AGBL4: variants seen among roughly 807,000 people sequenced by gnomAD.
The protein encoded by AGBL4 is AGBL carboxypeptidase 4, also known as cytosolic carboxypeptidase 6.
A neutral mutation model predicts 66.4 loss-of-function variants in AGBL4; 58 were observed. The ratio of observed to expected loss-of-function variants is 0.87; its 90% CI spans 0.71 to 1.09. AGBL4 has a LOEUF of 1.09. Among genes scored for constraint, AGBL4 ranks in the 50% least tolerant of loss-of-function variants. The probability of loss-of-function intolerance (pLI) is 0.00; values close to 1 mark genes in which losing one functional copy is unlikely to be tolerated. For synonymous variants in AGBL4, 234 were observed against 222.9 expected (o/e 1.05, Z -0.44); for missense variants, 579 against 631.0 (o/e 0.92, Z 0.88).
At chr1:49,971,859 A>T (rs1028663706) in intron 1 of AGBL4, among the ~76,000 whole-genome samples, 21 of 114,836 alleles carry the variant, frequency 1.8e-4, no homozygotes, top group Non-Finnish European at 3.3e-4. Context: ...GTTTTTGAAA[A>T]TTTTATTTAT....
intron 3 of AGBL4, among the ~76,000 whole-genome samples, chr1:49,388,153 C>T (rs1644772188): frequency 6.6e-6 from 1 of 152,072 alleles, no homozygotes; most frequent in Non-Finnish European, 1.5e-5. Context: ...TATGCCTCTT[C>T]CTAAAATAAT....
At chr1:49,042,129 A>G (rs1443377421) in intron 5 of AGBL4, among the ~76,000 whole-genome samples, 1 of 152,112 alleles carries the variant, frequency 6.6e-6, no homozygotes, top group African/African-American at 2.4e-5. Flanking sequence ...CTGGAAGTAT[A>G]TCAAGACTTG....
chr1:49,396,252 A>C (rs1557901120), intron 3 of AGBL4, among the ~76,000 whole-genome samples: 1 of 152,056 alleles, frequency 6.6e-6, no homozygotes, highest in South Asian at 2.1e-4. Context: ...AAGGATAGAT[A>C]CTAGATGCAG....
chr1:49,700,495 C>T (rs940128719), intron 2 of AGBL4, among the ~76,000 whole-genome samples: 2 of 151,854 alleles, frequency 1.3e-5, no homozygotes, highest in African/African-American at 2.4e-5. Context: ...AATTTGAAAA[C>T]ATGATTTTAA....
intron 2 of AGBL4, among the ~76,000 whole-genome samples, chr1:49,764,562 T>C (rs1462692092): frequency 2.0e-5 from 3 of 152,112 alleles, no homozygotes; most frequent in African/African-American, 7.2e-5. Context: ...ATGCTGTCCA[T>C]CAGGACGTCT....
intron 1 of AGBL4, among the ~76,000 whole-genome samples, chr1:49,854,627 C>T (rs2148070357): frequency 6.6e-6 from 1 of 152,256 alleles, no homozygotes; most frequent in Admixed American, 6.5e-5. Flanking sequence ...GCTCCTGCAC[C>T]TCCACATCCC....
chr1:49,202,365 G>C (rs1286277404), intron 4 of AGBL4, among the ~76,000 whole-genome samples: 1 of 152,084 alleles, frequency 6.6e-6, no homozygotes, highest in Non-Finnish European at 1.5e-5. Flanking sequence ...CACACTTCCT[G>C]AGTGAAAAAC....
chr1:49,624,792 C>T (rs535126833), intron 3 of AGBL4, among the ~76,000 whole-genome samples: 12 of 152,278 alleles, frequency 7.9e-5, no homozygotes, highest in African/African-American at 2.4e-4. Flanking sequence ...TAGAAATACA[C>T]GCATCTAGAC....
At chr1:48,939,550 A>G (rs968762508) in intron 5 of AGBL4, among the ~76,000 whole-genome samples, 1 of 152,216 alleles carries the variant, frequency 6.6e-6, no homozygotes, top group African/African-American at 2.4e-5. Flanking sequence ...GGGGCTCTGT[A>G]AGTATTAGGC....
At chr1:49,083,701 C>A (rs562651709) in intron 4 of AGBL4, among the ~76,000 whole-genome samples, 1 of 152,336 alleles carries the variant, frequency 6.6e-6, no homozygotes, top group African/African-American at 2.4e-5. Context: ...CAAATTTCTG[C>A]AGCTCTATTG....
In AGBL4 at chr1:48,810,599, T is replaced by C. The variant is rs897617556; in HGVS notation, c.634+56592A>G. On this transcript the variant is annotated intron_variant, in intron 6 of 13. Coordinates refer to ENST00000371839, the MANE Select transcript of AGBL4 (RefSeq NM_032785.4). The stretch of plus-strand genomic sequence containing the variant: ...GATTTATGCAAAGTGTATAGCATAG[T>C]CCTGGGCATAAATAGGTACTCAGTA... Among the ~76,000 whole-genome samples the C allele has an allele frequency of 2.0e-5, 3 of 152,220 alleles. 1 individual carries two copies. Among genetic ancestry groups the C allele is most frequent in the South Asian group, 4.1e-4 (2 of 4,828 alleles).
chr1:49,441,889 G>A (rs1052140615), intron 3 of AGBL4, among the ~76,000 whole-genome samples: 40 of 152,110 alleles, frequency 2.6e-4, no homozygotes, highest in Admixed American at 2.6e-4. Flanking sequence ...AAATGGCCAC[G>A]GTGGCAGGGA....
intron 6 of AGBL4, among the ~76,000 whole-genome samples, chr1:48,713,473 C>T (rs1354609760): frequency 1.3e-5 from 2 of 152,160 alleles, no homozygotes; most frequent in Non-Finnish European, 2.9e-5. Context: ...GTGGGAAGCA[C>T]AGAGCAGCTC....
intron 3 of AGBL4, among the ~76,000 whole-genome samples, chr1:49,469,046 C>T (rs898499004): frequency 4.0e-5 from 6 of 151,754 alleles, no homozygotes; most frequent in African/African-American, 9.7e-5. Context: ...TGGGTACACA[C>T]AATTACCAAC....
At chr1:49,398,675 T>C (rs960293723) in intron 3 of AGBL4, among the ~76,000 whole-genome samples, 7 of 152,312 alleles carry the variant, frequency 4.6e-5, no homozygotes, top group African/African-American at 1.4e-4. Context: ...GCCAGAAATC[T>C]TCAAAACTAT....
chr1:49,851,379 G>A lies in AGBL4; in HGVS notation c.157+17C>T. ...TTACCAGACAAACTTAAAAGGAAAA[G>A]CCTTTAATATACTTACCACTTTCAA... On this transcript the variant is annotated intron_variant, in intron 2 of 13. Coordinates refer to ENST00000371839, the MANE Select transcript of AGBL4 (RefSeq NM_032785.4). 6.5e-7 allele frequency: 1 copy of A among 1,533,946 alleles called. No homozygotes were observed. Among genetic ancestry groups the A allele is most frequent in the Non-Finnish European group, 8.8e-7 (1 of 1,140,652 alleles).
intron 1 of AGBL4, among the ~76,000 whole-genome samples, chr1:49,895,430 CTCTTT>C (rs886166908): frequency 1.4e-4 from 21 of 152,096 alleles, no homozygotes; most frequent in Non-Finnish European, 2.5e-4. Context: ...GTGTAAGTTA[CTCTTT>C]TCTTAAGTAG....
chr1:49,655,383 T>C (rs1646103495), intron 3 of AGBL4, among the ~76,000 whole-genome samples: 1 of 152,170 alleles, frequency 6.6e-6, no homozygotes, highest in African/African-American at 2.4e-5. Flanking sequence ...TTTCCTTCAT[T>C]TCAGCTTTGG....
intron 3 of AGBL4, among the ~76,000 whole-genome samples, chr1:49,648,126 T>G (rs530684668): frequency 6.6e-6 from 1 of 152,060 alleles, no homozygotes; most frequent in East Asian, 1.9e-4. Context: ...GTAGACAACA[T>G]GCAGGGACAG....
Sources: allele counts gnomAD v4.1 joint callset (sites outside exome capture counted in the v4.1 genomes callset), GRCh38; gene constraint gnomAD v4.1.1; transcripts MANE v1.5; gene names NCBI Gene and HGNC (gene_info 2026-07-23, HGNC 2026-07-21).